Variants in ELFN1 observed in about 807,000 individuals in gnomAD.
ELFN1 encodes the protein protein ELFN1.
In ELFN1, 6 loss-of-function variants were observed where a neutral mutation model predicts 7.6. The observed-to-expected ratio is 0.79, with a 90% CI of 0.43 to 1.56. The LOEUF (loss-of-function observed/expected upper bound fraction) is 1.56. ELFN1 is among the 40% of genes most tolerant of loss of function. The pLI, the probability that ELFN1 is intolerant of heterozygous loss-of-function variation, is 0.01. For synonymous variants in ELFN1, 657 were observed against 588.1 expected, an observed-to-expected ratio of 1.12 and a Z score of -1.70; for missense variants, 1,169 against 1,232.2, an observed-to-expected ratio of 0.95 and a Z score of 0.77.
At position 1,693,480 on chromosome 7, in the gene ELFN1, G is replaced by A. The variant is rs567268666; in HGVS notation, c.-456+5330G>A. 36 of 471,170 alleles carry A rather than the reference G, an allele frequency of 7.6e-5. No individual in the cohort carries two copies. In the East Asian group the frequency reaches 1.0e-3, roughly 14 times the overall value. The allele number at this position is 471,170 out of a possible 1,614,324, so 29.2% of individuals were successfully genotyped here. On this transcript the variant is annotated intron_variant, in intron 2 of 3. Transcript: ENST00000424383. ...TGGTGCACCCAGACAGGTGCGTGCC[G>A]CAGGGACAGAGTATACGATGTGTGG...
At chr7:1,716,469 C>G (rs956760060) in intron 3 of ELFN1, among the ~76,000 whole-genome samples, 1 of 152,262 alleles carries the variant, frequency 6.6e-6, no homozygotes, top group African/African-American at 2.4e-5. Flanking sequence ...GCCTTCCTTC[C>G]TGCCGCTGGA....
chr7:1,747,366 TG>T lies in ELFN1; in HGVS notation c.*289del, dbSNP rs1280069888. ...ACTTCGGAAAACTGTGTCTTAGGGA[TG>T]GGGGGTGGGGGTGGGGATTTTTTTT... On this transcript the variant is annotated 3_prime_UTR_variant, in exon 4 of 4. Coordinates refer to ENST00000424383, the MANE Select transcript of ELFN1 (RefSeq NM_001128636.4). 13 of 160,468 alleles carry T rather than the reference TG, an allele frequency of 8.1e-5. No homozygotes were observed. The highest frequency in any genetic ancestry group is 1.5e-4 in the Non-Finnish European group (12 of 79,944). The allele number at this position is 160,468 out of a possible 1,614,324, so 9.9% of individuals were successfully genotyped here.
chr7:1,698,955 C>T (rs370886444), intron 2 of ELFN1, among the ~76,000 whole-genome samples: 4 of 152,234 alleles, frequency 2.6e-5, no homozygotes, highest in Non-Finnish European at 5.9e-5. Flanking sequence ...ACCTCTCCCC[C>T]ACCTCAGGGT....
chr7:1,676,287 G>A (rs572143408), intron 1 of ELFN1, among the ~76,000 whole-genome samples: 135 of 152,348 alleles, frequency 8.9e-4, no homozygotes, highest in African/African-American at 3.1e-3. Flanking sequence ...CCCCGTGGAA[G>A]CTGTGGAAGG....
chr7:1,743,090 G>A (rs1780674477), intron 3 of ELFN1, among the ~76,000 whole-genome samples: 1 of 33,202 alleles, frequency 3.0e-5, no homozygotes, highest in African/African-American at 1.6e-4. Flanking sequence ...GGTAGTGGTG[G>A]GGGGGTCCAT....
intron 1 of ELFN1, among the ~76,000 whole-genome samples, chr7:1,677,769 G>A (rs1240911004): frequency 1.3e-5 from 2 of 152,020 alleles, no homozygotes; most frequent in Non-Finnish European, 2.9e-5. Flanking sequence ...TGAATTTGTT[G>A]TCTGCTTTTT....
intron 2 of ELFN1, among the ~76,000 whole-genome samples, chr7:1,702,435 AAAAG>A (rs1358320567): frequency 2.0e-5 from 3 of 150,692 alleles, no homozygotes; most frequent in African/African-American, 7.5e-5. Flanking sequence ...GGGAAAAAAA[AAAAG>A]AAGAAGACCC....
chr7:1,725,930 G>A lies in ELFN1; in HGVS notation c.-294+16678G>A, dbSNP rs906995694. ...CAAAAATCACACACAACACACCCTC[G>A]CACTCACAAATACACACGCACAAAA... is the stretch of plus-strand genomic sequence containing the variant. On this transcript the variant is annotated intron_variant, in intron 3 of 3. Coordinates refer to ENST00000424383, the MANE Select transcript of ELFN1 (RefSeq NM_001128636.4). Among the ~76,000 whole-genome samples, 7 of 150,146 alleles carry A rather than the reference G, an allele frequency of 4.7e-5. No individual in the cohort carries two copies. The South Asian group carries it at 1.3e-3, about 27-fold the overall frequency.
In ELFN1 at chr7:1,695,754, A is replaced by AC. The variant is rs1406784947; in HGVS notation, c.-456+7604_-456+7605insC. On this transcript the variant is annotated intron_variant, in intron 2 of 3. Coordinates refer to ENST00000424383, the MANE Select transcript of ELFN1 (RefSeq NM_001128636.4). The surrounding 1 kb of genome is among the most constrained non-coding windows in gnomAD (Gnocchi z 5.1). ...CAGAGCGAGACTCCGTGTCAAAAAA[A>AC]AAAAAAAAAAAAAAAAAACCGTGCT... Among the ~76,000 whole-genome samples the AC allele has an allele frequency of 8.4e-4, 127 of 151,176 alleles. No individual in the cohort carries two copies. Among genetic ancestry groups the AC allele is most frequent in the African/African-American group, 3.0e-3 (122 of 41,234 alleles).
intron 1 of ELFN1, among the ~76,000 whole-genome samples, chr7:1,687,123 G>T (rs1447722767): frequency 6.6e-6 from 1 of 152,260 alleles, no homozygotes; most frequent in African/African-American, 2.4e-5. Flanking sequence ...TAACTGAGTT[G>T]GGGGGAGGTG....
chr7:1,714,672 G>A (rs1779774834), intron 3 of ELFN1, among the ~76,000 whole-genome samples: 1 of 152,196 alleles, frequency 6.6e-6, no homozygotes, highest in African/African-American at 2.4e-5. Flanking sequence ...AGTGTGCAGA[G>A]GTGTTCAAGA....
chr7:1,677,271 GATTGGTATGAA>G (rs1583308690), intron 1 of ELFN1, among the ~76,000 whole-genome samples: 1 of 152,186 alleles, frequency 6.6e-6, no homozygotes, highest in Non-Finnish European at 1.5e-5. Flanking sequence ...CCCCAGAATG[GATTGGTATGAA>G]ACAGTGGGGT....
upstream of ELFN1, among the ~76,000 whole-genome samples, chr7:1,669,079 T>C (rs540472397): frequency 6.6e-6 from 1 of 152,362 alleles, no homozygotes; most frequent in Non-Finnish European, 1.5e-5. Flanking sequence ...TCTCCGATTC[T>C]GGCTCCTGGA....
At chr7:1,667,145 T>C (rs969000779), upstream of ELFN1, among the ~76,000 whole-genome samples, 1 of 151,456 alleles carries the variant, frequency 6.6e-6, no homozygotes. This position sits in a 1 kb window ranked among gnomAD's most constrained non-coding sequence, Gnocchi z 8.2. Flanking sequence ...CCGAACTTTT[T>C]CTCTTCCCAA....
intron 3 of ELFN1, among the ~76,000 whole-genome samples, chr7:1,720,103 G>A (rs371751902): frequency 4.6e-5 from 7 of 152,210 alleles, no homozygotes; most frequent in African/African-American, 7.2e-5. Context: ...CAGCATTCTG[G>A]CACAGTGTCC....
rs901775059 is a variant in ELFN1 at position 1,695,766 on chromosome 7, A to AC, written c.-456+7616_-456+7617insC. On this transcript the variant is annotated intron_variant, in intron 2 of 3. Coordinates refer to ENST00000424383, the MANE Select transcript of ELFN1 (RefSeq NM_001128636.4). The surrounding 1 kb of genome is among the most constrained non-coding windows in gnomAD (Gnocchi z 5.1). ...CCGTGTCAAAAAAAAAAAAAAAAAA[A>AC]AAAAAACCGTGCTGGTTTGGTTTCA... Among the ~76,000 whole-genome samples, 16 of 151,652 alleles carry AC rather than the reference A, an allele frequency of 1.1e-4. 1 individual carries two copies. In the East Asian group the frequency reaches 2.7e-3, roughly 26 times the overall value.
intron 3 of ELFN1, among the ~76,000 whole-genome samples, chr7:1,713,816 C>T (rs1412591721): frequency 2.0e-5 from 3 of 152,178 alleles, no homozygotes; most frequent in African/African-American, 7.2e-5. Context: ...CCCAGCGACT[C>T]GCCCAAGGCC....
chr7:1,689,850 A>G lies in ELFN1; in HGVS notation c.-456+1700A>G, dbSNP rs1008735134. The stretch of plus-strand genomic sequence containing the variant: ...GGTTCTTTAGCTTTTGGTTGTCTCC[A>G]TGAGACCTAGAGTGGTAACAGGAGC... On this transcript the variant is annotated intron_variant, in intron 2 of 3. Coordinates refer to ENST00000424383, the MANE Select transcript of ELFN1 (RefSeq NM_001128636.4). Among the ~76,000 whole-genome samples, 4 of 152,294 alleles carry G rather than the reference A, an allele frequency of 2.6e-5. 1 individual carries two copies. Among genetic ancestry groups the G allele is most frequent in the African/African-American group, 9.6e-5 (4 of 41,556 alleles).
intron 2 of ELFN1, among the ~76,000 whole-genome samples, chr7:1,690,796 G>C (rs1247544290): frequency 6.6e-6 from 1 of 151,886 alleles, no homozygotes; most frequent in East Asian, 1.9e-4. Flanking sequence ...TGGGTGAATG[G>C]ATGGATGAAG....
Sources: gnomAD v4.1 joint callset for allele counts (sites outside exome capture counted in the v4.1 genomes callset) on GRCh38, gnomAD v4.1.1 for gene constraint, Gnocchi (gnomAD v3.1) non-coding constraint, MANE v1.5 for transcripts, NCBI Gene and HGNC (gene_info 2026-07-23, HGNC 2026-07-21) for gene names.